KBTBD7: variants seen among roughly 807,000 people sequenced by gnomAD.
KBTBD7 encodes the protein kelch repeat and BTB domain-containing protein 7.
Under a neutral mutation model 50.3 loss-of-function variants are expected in KBTBD7, and 25 were observed. The observed-to-expected ratio is 0.50, with a 90% CI of 0.36 to 0.69. KBTBD7 has a LOEUF of 0.69. Among genes scored for constraint, KBTBD7 ranks in the 30% least tolerant of loss-of-function variants. The probability of loss-of-function intolerance (pLI) is 0.00; values close to 1 mark genes in which losing one functional copy is unlikely to be tolerated. For missense variants in KBTBD7, 653 were observed against 869.5 expected (o/e 0.75, Z 3.13); for synonymous variants, 305 against 325.3 (o/e 0.94, Z 0.67).
chr13:41,194,550 A>G lies in KBTBD7; in HGVS notation c.-293T>C, dbSNP rs903820262. 8 of 515,038 alleles carry G rather than the reference A, an allele frequency of 1.6e-5. No individual in the cohort carries two copies. Among genetic ancestry groups the G allele is most frequent in the African/African-American group, 3.8e-5 (2 of 51,954 alleles). The allele number at this position is 515,038 out of a possible 1,614,324, so 31.9% of individuals were successfully genotyped here. On this transcript the variant is annotated 5_prime_UTR_variant, in exon 1 of 1. Coordinates refer to ENST00000379483, the MANE Select transcript of KBTBD7 (RefSeq NM_032138.7). ...CCACTGCCGCGCTGGCGATCCCGCTAGGCGCCCGGGAGAACTACTGCTCCC... is the reference window on the plus strand; with the variant it reads ...CCACTGCCGCGCTGGCGATCCCGCTGGGCGCCCGGGAGAACTACTGCTCCC...
chr13:41,193,504 T>A lies in KBTBD7; in HGVS notation c.754A>T (p.Lys252Ter). ...VAVQWLEAAA[K>*]ERGPSAAEVF... ...TCTGCAGCACTGGGACCCCGCTCTT[T>A]GGCAGCAGCCTCCAGCCACTGCACA... The change falls in exon 1 of 1, where the codon AAA becomes TAA. Residue 252 changes from lysine (K) to a stop codon, truncating the protein, a stop_gained. Coordinates refer to ENST00000379483, the MANE Select transcript of KBTBD7 (RefSeq NM_032138.7). LOFTEE classifies it high-confidence loss of function. This position sits in a 1 kb window ranked among gnomAD's most constrained non-coding sequence, Gnocchi z 5.7. 6.2e-7 allele frequency: 1 copy of A among 1,614,228 alleles called. No homozygotes were observed. Among genetic ancestry groups the A allele is most frequent in the Admixed American group, 1.7e-5 (1 of 60,026 alleles).
In KBTBD7 at chr13:41,193,480, C is replaced by G. The variant is rs1445459038; in HGVS notation, c.778G>C (p.Glu260Gln). 13 of 1,614,216 alleles carry G rather than the reference C, an allele frequency of 8.1e-6. No homozygotes were observed. The highest frequency in any genetic ancestry group is 1.1e-5 in the Non-Finnish European group (13 of 1,180,032). ...AAKERGPSAA[E>Q]VFKCVRWMHF... is the part of the protein sequence containing the mutation. ...ATCCAGCGCACGCACTTGAAGACTT[C>G]TGCAGCACTGGGACCCCGCTCTTTG... The change falls in exon 1 of 1, where the codon GAA (glutamate) becomes CAA (glutamine). Residue 260 changes from glutamate (E) to glutamine (Q), a missense_variant. Around this residue, in one of 3 missense-constraint regions of KBTBD7, gnomAD observed 526 missense variants for 717.1 expected, o/e 0.73. Transcript: ENST00000379483. The surrounding 1 kb of genome is among the most constrained non-coding windows in gnomAD (Gnocchi z 5.7).
chr13:41,192,189 T>G lies in KBTBD7; in HGVS notation c.*14A>C. The G allele has an allele frequency of 4.4e-6, 7 of 1,583,548 alleles. No homozygotes were observed. Among genetic ancestry groups the G allele is most frequent in the Non-Finnish European group, 6.0e-6 (7 of 1,165,736 alleles). ...CCGTAGCAGTAGAAACATCTTAGTG[T>G]CTCAAAATACTATTTACAAAGAACC... On this transcript the variant is annotated 3_prime_UTR_variant, in exon 1 of 1. Transcript: ENST00000379483.
In KBTBD7 at chr13:41,190,140, A is replaced by G. The variant is rs1214231368; in HGVS notation, c.*2063T>C. The G allele has an allele frequency of 2.6e-5, 4 of 152,206 alleles. No homozygotes were observed. The highest frequency in any genetic ancestry group is 2.6e-4 in the Admixed American group (4 of 15,286). The allele number at this position is 152,206 out of a possible 1,614,324, so 9.4% of individuals were successfully genotyped here. A position where few individuals can be genotyped will look rare whatever the true frequency, so the allele number is the denominator to read the frequency against. On this transcript the variant is annotated 3_prime_UTR_variant, in exon 1 of 1. Transcript: ENST00000379483. ...TGCCATCTCTCAATTTTTACAAAAC[A>G]AAAAGCTACCAACAAGAAGTTAATG... is the stretch of plus-strand genomic sequence containing the variant.
chr13:41,194,227 G>A lies in KBTBD7; in HGVS notation c.31C>T (p.Arg11Cys). 1 of 1,614,076 alleles carries A rather than the reference G, an allele frequency of 6.2e-7. No individual in the cohort carries two copies. Among genetic ancestry groups the A allele is most frequent in the Non-Finnish European group, 8.5e-7 (1 of 1,180,016 alleles). ...CCACCACGGGGACTGGCGAGGCGGC[G>A]AGAGCGCGGGACGTCTTCCCGGGAC... MQSREDVPRSRRLASPRGGRR... is the reference protein window; with the variant it reads MQSREDVPRSCRLASPRGGRR... The change falls in exon 1 of 1, where the codon CGC (arginine) becomes TGC (cysteine). Residue 11 changes from arginine (R) to cysteine (C), a missense_variant. Coordinates refer to ENST00000379483, the MANE Select transcript of KBTBD7 (RefSeq NM_032138.7).
Position 41,190,615 on chromosome 13 carries a change from A to T in KBTBD7, c.*1588T>A, listed in dbSNP as rs2031361534. Reference sequence around the variant, plus strand: ...GGGTATAGAAAAATTTATACACCATAAACATCTGTATATGTACACCATTTA... The same window carrying T: ...GGGTATAGAAAAATTTATACACCATTAACATCTGTATATGTACACCATTTA... On this transcript the variant is annotated 3_prime_UTR_variant, in exon 1 of 1. Transcript: ENST00000379483. The T allele has an allele frequency of 6.6e-6, 1 of 152,182 alleles. No homozygotes were observed. The highest frequency in any genetic ancestry group is 2.1e-4 in the South Asian group (1 of 4,834). 9.4% of individuals were successfully genotyped at this position (152,182 alleles called of 1,614,324 possible). A position where few individuals can be genotyped will look rare whatever the true frequency, so the allele number is the denominator to read the frequency against.
Position 41,193,558 on chromosome 13 carries a change from C to G in KBTBD7, c.700G>C (p.Glu234Gln). ...ACATGGCATACAGTCCGCTCACTCTCTATGTCCAGACTATCCAGGCGTAGG... is the reference window on the plus strand; with the variant it reads ...ACATGGCATACAGTCCGCTCACTCTGTATGTCCAGACTATCCAGGCGTAGG... ...AVLRLDSLDI[E>Q]SERTVCHVAV... Residue 234 changes from glutamate to glutamine, a missense_variant, in exon 1 of 1, where the codon GAG (glutamate) becomes CAG (glutamine). Physicochemically the swap from Glu to Gln is conservative, Grantham distance 29. Coordinates refer to ENST00000379483, the MANE Select transcript of KBTBD7 (RefSeq NM_032138.7). This position sits in a 1 kb window ranked among gnomAD's most constrained non-coding sequence, Gnocchi z 5.7. 1 of 1,614,234 alleles carries G rather than the reference C, an allele frequency of 6.2e-7. No homozygotes were observed. The highest frequency in any genetic ancestry group is 8.5e-7 in the Non-Finnish European group (1 of 1,180,042).
rs1056882204 is a variant in KBTBD7 at position 41,192,852 on chromosome 13, G to A, written c.1406C>T (p.Pro469Leu). ...VQRNQWALVA[P>L]VPHSFYSFEL... Reference sequence around the variant, plus strand: ...AAAGGAATAGAAGGAATGAGGGACAGGAGCCACCAATGCCCACTGGTTTCT... The same window carrying A: ...AAAGGAATAGAAGGAATGAGGGACAAGAGCCACCAATGCCCACTGGTTTCT... Residue 469 changes from proline (P) to leucine (L), a missense_variant, in exon 1 of 1, where the codon CCT (proline) becomes CTT (leucine). By Grantham distance (98) the Pro-to-Leu change is moderately conservative. This residue lies in a region of KBTBD7 where 526 missense variants were observed against 717.1 expected (regional missense o/e 0.73). Coordinates refer to ENST00000379483, the MANE Select transcript of KBTBD7 (RefSeq NM_032138.7). 1.2e-6 allele frequency: 2 copies of A among 1,614,104 alleles called. No homozygotes were observed. The highest frequency in any genetic ancestry group is 1.7e-6 in the Non-Finnish European group (2 of 1,180,046).
In KBTBD7 at chr13:41,190,447, G is replaced by C. The variant is rs183182426; in HGVS notation, c.*1756C>G. On this transcript the variant is annotated 3_prime_UTR_variant, in exon 1 of 1. Coordinates refer to ENST00000379483, the MANE Select transcript of KBTBD7 (RefSeq NM_032138.7). ...TTTTCATCCTTTCTCTTTCCTTTTC[G>C]TTCAAAAATTCAGTTCCCCATCCTA... The C allele has an allele frequency of 1.3e-5, 2 of 151,738 alleles. No homozygotes were observed. The highest frequency in any genetic ancestry group is 2.9e-5 in the Non-Finnish European group (2 of 67,922). 9.4% of individuals were successfully genotyped at this position (151,738 alleles called of 1,614,324 possible). A position where few individuals can be genotyped will look rare whatever the true frequency, so the allele number is the denominator to read the frequency against.
chr13:41,194,151 C>T lies in KBTBD7; in HGVS notation c.107G>A (p.Gly36Asp), dbSNP rs1488106456. The T allele has an allele frequency of 1.9e-6, 3 of 1,614,104 alleles. No individual in the cohort carries two copies. Among genetic ancestry groups the T allele is most frequent in the East Asian group, 2.2e-5 (1 of 44,892 alleles). Reference sequence around the variant, plus strand: ...GGCCGTGTCCTTTAACTCCTCTGGACCCGTGAAAAAGGCCGAAACCGAGGG... The same window carrying T: ...GGCCGTGTCCTTTAACTCCTCTGGATCCGTGAAAAAGGCCGAAACCGAGGG... ...SKPSVSAFFT[G>D]PEELKDTAHS... Residue 36 changes from glycine (G) to aspartate (D), a missense_variant, in exon 1 of 1, where the codon GGT (glycine) becomes GAT (aspartate). Gly to Asp is a moderately conservative substitution (Grantham distance 94). Coordinates refer to ENST00000379483, the MANE Select transcript of KBTBD7 (RefSeq NM_032138.7).
Position 41,194,552 on chromosome 13 carries a change from G to C in KBTBD7, c.-295C>G. 6 of 508,622 alleles carry C rather than the reference G, an allele frequency of 1.2e-5. No individual in the cohort carries two copies. The highest frequency in any genetic ancestry group is 2.2e-5 in the Non-Finnish European group (6 of 275,934). 31.5% of individuals were successfully genotyped at this position (508,622 alleles called of 1,614,324 possible). ...ACTGCCGCGCTGGCGATCCCGCTAG[G>C]CGCCCGGGAGAACTACTGCTCCCAG... On this transcript the variant is annotated 5_prime_UTR_variant, in exon 1 of 1. Coordinates refer to ENST00000379483, the MANE Select transcript of KBTBD7 (RefSeq NM_032138.7).
rs1406318172 is a variant in KBTBD7 at position 41,194,048 on chromosome 13, C to T, written c.210G>A (p.Val70=). 1 of 1,614,198 alleles carries T rather than the reference C, an allele frequency of 6.2e-7. No individual in the cohort carries two copies. The highest frequency in any genetic ancestry group is 2.2e-5 in the East Asian group (1 of 44,868). ...CCGTGCCAGGCCCGCTGCCAGGCGTCACCACCTCGATGGTCACATCACACA... is the reference window on the plus strand; with the variant it reads ...CCGTGCCAGGCCCGCTGCCAGGCGTTACCACCTCGATGGTCACATCACACA... ...RLLCDVTIEV[V]TPGSGPGTGR... The change falls in exon 1 of 1, where the codon GTG becomes GTA. Residue 70 remains valine, a synonymous_variant. Transcript: ENST00000379483.
chr13:41,193,842 G>T lies in KBTBD7; in HGVS notation c.416C>A (p.Ala139Asp), dbSNP rs751767633. 1 of 1,614,164 alleles carries T rather than the reference G, an allele frequency of 6.2e-7. No homozygotes were observed. Among genetic ancestry groups the T allele is most frequent in the Non-Finnish European group, 8.5e-7 (1 of 1,180,044 alleles). The change falls in exon 1 of 1, where the codon GCC becomes GAC. Residue 139 changes from alanine (A) to aspartate (D), a missense_variant. Physicochemically the swap from Ala to Asp is moderately radical, Grantham distance 126. Transcript: ENST00000379483. This position sits in a 1 kb window ranked among gnomAD's most constrained non-coding sequence, Gnocchi z 5.7. Reference protein sequence around the residue: ...CYTGRVSLSEANVQRLYAASD... With the variant: ...CYTGRVSLSEDNVQRLYAASD... ...GGCCGCGTACAGGCGCTGCACATTG[G>T]CCTCACTGAGAGACACACGACCCGT...
At position 41,194,236 on chromosome 13, in the gene KBTBD7, G is replaced by C. The variant is rs1328763884; in HGVS notation, c.22C>G (p.Pro8Ala). MQSREDV[P>A]RSRRLASPRG... ...GGACTGGCGAGGCGGCGAGAGCGCG[G>C]GACGTCTTCCCGGGACTGCATGGTG... Residue 8 changes from proline (P) to alanine (A), a missense_variant, in exon 1 of 1, where the codon CCG (proline) becomes GCG (alanine). This residue lies in a region of KBTBD7 where 119 missense variants were observed against 125.0 expected (regional missense o/e 0.95). Coordinates refer to ENST00000379483, the MANE Select transcript of KBTBD7 (RefSeq NM_032138.7). The C allele has an allele frequency of 6.2e-7, 1 of 1,614,010 alleles. No homozygotes were observed. Among genetic ancestry groups the C allele is most frequent in the East Asian group, 2.2e-5 (1 of 44,874 alleles).
Position 41,194,434 on chromosome 13 carries a change from C to T in KBTBD7, c.-177G>A. On this transcript the variant is annotated 5_prime_UTR_variant, in exon 1 of 1. Coordinates refer to ENST00000379483, the MANE Select transcript of KBTBD7 (RefSeq NM_032138.7). ...GTGAGGCCTCCCTTTATTGCATAGACAGTGGCTGACTCACCCTCTCTCACT... is the reference window on the plus strand; with the variant it reads ...GTGAGGCCTCCCTTTATTGCATAGATAGTGGCTGACTCACCCTCTCTCACT... The T allele has an allele frequency of 1.3e-6, 1 of 779,386 alleles. No individual in the cohort carries two copies. The highest frequency in any genetic ancestry group is 2.0e-6 in the Non-Finnish European group (1 of 489,370). 48.3% of individuals were successfully genotyped at this position (779,386 alleles called of 1,614,324 possible). A position where few individuals can be genotyped will look rare whatever the true frequency, so the allele number is the denominator to read the frequency against.
In KBTBD7 at chr13:41,190,427, A is replaced by G. The variant is rs2031357465; in HGVS notation, c.*1776T>C. ...TGTTTTTTTGTTTGTTTGTTTTTTC[A>G]TCCTTTCTCTTTCCTTTTCGTTCAA... On this transcript the variant is annotated 3_prime_UTR_variant, in exon 1 of 1. Transcript: ENST00000379483. 1 of 152,132 alleles carries G rather than the reference A, an allele frequency of 6.6e-6. No homozygotes were observed. Among genetic ancestry groups the G allele is most frequent in the Admixed American group, 6.5e-5 (1 of 15,272 alleles). The allele number at this position is 152,132 out of a possible 1,614,324, so 9.4% of individuals were successfully genotyped here. A position where few individuals can be genotyped will look rare whatever the true frequency, so the allele number is the denominator to read the frequency against.
Position 41,194,211 on chromosome 13 carries a change from G to C in KBTBD7, c.47C>G (p.Pro16Arg). The change falls in exon 1 of 1, where the codon CCC becomes CGC. Residue 16 changes from proline (P) to arginine (R), a missense_variant. This residue lies in a region of KBTBD7 where 119 missense variants were observed against 125.0 expected (regional missense o/e 0.95). Coordinates refer to ENST00000379483, the MANE Select transcript of KBTBD7 (RefSeq NM_032138.7). ...DVPRSRRLAS[P>R]RGGRRPKRIS... ...CCTCTTGGGCCGCCTCCCACCACGG[G>C]GACTGGCGAGGCGGCGAGAGCGCGG... The C allele has an allele frequency of 6.2e-7, 1 of 1,614,144 alleles. No individual in the cohort carries two copies. Among genetic ancestry groups the C allele is most frequent in the South Asian group, 1.1e-5 (1 of 91,086 alleles).
rs1328226301 is a variant in KBTBD7, at chr13:41,190,413, T to G, written c.*1790A>C. ...GAAACATTATCGTGTGTTTTTTTGT[T>G]TGTTTGTTTTTTCATCCTTTCTCTT... On this transcript the variant is annotated 3_prime_UTR_variant, in exon 1 of 1. Transcript: ENST00000379483. 1.3e-5 allele frequency: 2 copies of G among 152,198 alleles called. No individual in the cohort carries two copies. Among genetic ancestry groups the G allele is most frequent in the Non-Finnish European group, 2.9e-5 (2 of 68,022 alleles). The allele number at this position is 152,198 out of a possible 1,614,324, so 9.4% of individuals were successfully genotyped here.
chr13:41,192,127 TC>T lies in KBTBD7; in HGVS notation c.*75del. The T allele has an allele frequency of 6.9e-7, 1 of 1,458,288 alleles. No individual in the cohort carries two copies. The highest frequency in any genetic ancestry group is 9.3e-7 in the Non-Finnish European group (1 of 1,080,216). 90.3% of individuals were successfully genotyped at this position (1,458,288 alleles called of 1,614,324 possible). On this transcript the variant is annotated 3_prime_UTR_variant, in exon 1 of 1. Transcript: ENST00000379483. ...ATCTGTGGTCCTAATCAACTTTTTT[TC>T]CAAGAAAAAGAAACGATATGTGTTT...
Sources: gnomAD v4.1 joint callset for allele counts on GRCh38, gnomAD v4.1.1 for gene constraint, gnomAD v4.1.1 regional missense constraint, Gnocchi (gnomAD v3.1) non-coding constraint, MANE v1.5 for transcripts, NCBI Gene and HGNC (gene_info 2026-07-23, HGNC 2026-07-21) for gene names.